EVL: variants seen among roughly 807,000 people sequenced by gnomAD.
EVL encodes the protein ena/VASP-like protein.
In EVL, 21 loss-of-function variants were observed where a neutral mutation model predicts 59.6. The ratio of observed to expected loss-of-function variants is 0.35; its 90% CI spans 0.25 to 0.51. The LOEUF (loss-of-function observed/expected upper bound fraction) is 0.51, where lower values mean the gene tolerates loss of function less well. Among genes scored for constraint, EVL ranks in the 20% least tolerant of loss-of-function variants. The probability of loss-of-function intolerance (pLI) is 0.97; values close to 1 mark genes in which losing one functional copy is unlikely to be tolerated. For synonymous variants in EVL, 198 were observed against 203.5 expected, an observed-to-expected ratio of 0.97 and a Z score of 0.23; for missense variants, 462 against 546.6, an observed-to-expected ratio of 0.85 and a Z score of 1.54.
chr14:100,112,653 A>C (rs1887079183), intron 3 of EVL, among the ~76,000 whole-genome samples: 1 of 152,220 alleles, frequency 6.6e-6, no homozygotes, highest in Admixed American at 6.5e-5. Context: ...CCTTGTGCCC[A>C]GAATGTTTTC....
intron 7 of EVL, among the ~76,000 whole-genome samples, chr14:100,131,740 G>T (rs908393090): frequency 6.6e-5 from 10 of 152,218 alleles, no homozygotes; most frequent in Non-Finnish European, 2.9e-5. Flanking sequence ...GCAGGAAGGT[G>T]TTGAAGGTGA....
At chr14:100,123,747 C>T (rs1175713412) in intron 4 of EVL, 145 bp downstream of exon 4, 1 of 753,802 alleles carries the variant, frequency 1.3e-6, no homozygotes, top group Non-Finnish European at 2.2e-6. Context: ...AGGTGCAAGC[C>T]AGACCAGGAA....
chr14:100,083,447 A>T (rs1244848050), intron 1 of EVL, among the ~76,000 whole-genome samples: 2 of 120,630 alleles, frequency 1.7e-5, no homozygotes, highest in African/African-American at 5.3e-5. Context: ...TTCCCTCTTT[A>T]AAAAAAAAAA....
chr14:100,066,056 T>A (rs2061924307), intron 1 of EVL, among the ~76,000 whole-genome samples: 1 of 152,156 alleles, frequency 6.6e-6, no homozygotes, highest in African/African-American at 2.4e-5. Context: ...CAAACCGCAC[T>A]CCTCATTGAG....
intron 2 of EVL, chr14:100,097,061 G>A (rs1885863387): frequency 6.3e-6 from 1 of 159,076 alleles, no homozygotes; most frequent in South Asian, 1.8e-4. Context: ...CTATAAATAA[G>A]ATACGTATCA....
rs763778391 is a variant in EVL at position 100,026,886 on chromosome 14, C to T, written c.5+54829C>T. On this transcript the variant is annotated intron_variant, in intron 1 of 13. Coordinates refer to the EVL transcript ENST00000402714. The stretch of plus-strand genomic sequence containing the variant: ...ATGATCCCTCTCTGTCTTGGATCCC[C>T]GGGGCCTGTTGGAATCTACAACCAT... Among the ~76,000 whole-genome samples the T allele has an allele frequency of 8.5e-4, 130 of 152,122 alleles. 1 individual carries two copies. Among genetic ancestry groups the T allele is most frequent in the Non-Finnish European group, 1.3e-4 (9 of 68,018 alleles).
rs2060744707 is a variant in EVL at position 99,972,886 on chromosome 14, G to A, written c.5+829G>A. ...TTGTAACTATAGTTTCGTTTTGCCT[G>A]TTTTGTATTATTTATGACAATGAAA... is the stretch of plus-strand genomic sequence containing the variant. On this transcript the variant is annotated intron_variant, in intron 1 of 13. Transcript: ENST00000402714. The surrounding 1 kb of genome is among the most constrained non-coding windows in gnomAD (Gnocchi z 4.4). Among the ~76,000 whole-genome samples, 1 of 151,688 alleles carries A rather than the reference G, an allele frequency of 6.6e-6. No individual in the cohort carries two copies. The highest frequency in any genetic ancestry group is 6.6e-5 in the Admixed American group (1 of 15,242).
intron 11 of EVL, chr14:100,138,042 G>A (rs952236959): frequency 1.4e-5 from 8 of 578,108 alleles, no homozygotes; most frequent in Middle Eastern, 4.5e-4. Context: ...CAGAGGTAGT[G>A]CAGGGGGGGG....
intron 1 of EVL, among the ~76,000 whole-genome samples, chr14:100,028,130 G>GTTTTTTTTT (rs756735010): frequency 4.4e-4 from 44 of 99,592 alleles, no homozygotes; most frequent in African/African-American, 1.9e-3. Context: ...TTTTTTGTTT[G>GTTTTTTTTT]TTTGTTTTTT....
intron 1 of EVL, among the ~76,000 whole-genome samples, chr14:100,073,590 G>A (rs972325701): frequency 2.6e-5 from 4 of 152,066 alleles, no homozygotes; most frequent in Non-Finnish European, 4.4e-5. Context: ...AAAGTGCTGG[G>A]ATTACAGGTG....
At chr14:99,995,039 T>G (rs1432775198) in intron 1 of EVL, among the ~76,000 whole-genome samples, 2 of 152,222 alleles carry the variant, frequency 1.3e-5, no homozygotes, top group South Asian at 2.1e-4. Context: ...AGCTTCCTTA[T>G]ACATGAAGAG....
upstream of EVL, among the ~76,000 whole-genome samples, chr14:100,064,321 T>A (rs549620438): frequency 2.0e-5 from 3 of 152,264 alleles, no homozygotes; most frequent in South Asian, 6.3e-4. Flanking sequence ...TCGTTCTCAA[T>A]TTTTTGTCTG....
chr14:100,121,315 G>A (rs1031657257), intron 3 of EVL, among the ~76,000 whole-genome samples: 17 of 152,252 alleles, frequency 1.1e-4, no homozygotes, highest in Admixed American at 7.2e-4. Context: ...AAGCTGTGCC[G>A]GGGGACGGAG....
At chr14:100,062,975 A>G (rs1333008997), upstream of EVL, among the ~76,000 whole-genome samples, 2 of 152,274 alleles carry the variant, frequency 1.3e-5, no homozygotes, top group South Asian at 2.1e-4. Context: ...GTGTGTGCCT[A>G]TAGTCCTAAC....
chr14:100,001,832 G>A (rs2060947971), intron 1 of EVL, among the ~76,000 whole-genome samples: 1 of 152,174 alleles, frequency 6.6e-6, no homozygotes, highest in Non-Finnish European at 1.5e-5. Flanking sequence ...AGTTAAGTTT[G>A]ATTCCTTAAA....
intron 1 of EVL, among the ~76,000 whole-genome samples, chr14:99,985,660 G>C (rs1018276712): frequency 2.6e-5 from 4 of 152,082 alleles, no homozygotes; most frequent in African/African-American, 9.7e-5. Context: ...CCAGCTACTT[G>C]GGAGGCTGAG....
At position 100,084,837 on chromosome 14, in the gene EVL, C is replaced by A; in HGVS notation, c.162C>A (p.Val54=). 2 of 1,614,120 alleles carry A rather than the reference C, an allele frequency of 1.2e-6. No individual in the cohort carries two copies. Among genetic ancestry groups the A allele is most frequent in the Non-Finnish European group, 1.7e-6 (2 of 1,180,022 alleles). Residue 54 remains valine, a synonymous_variant, in exon 2 of 14, where the codon GTC becomes GTA. Coordinates refer to ENST00000392920, the MANE Select transcript of EVL (RefSeq NM_016337.3). ...GCAACACCTTCAGAGTCGTTGGAGT[C>A]AAGTTGCAGGATCAGCAGGTCAGTG... ...TASNTFRVVG[V]KLQDQQVVIN... is the part of the protein sequence containing the mutation.
At chr14:100,015,199 A>C (rs1034482215) in intron 1 of EVL, among the ~76,000 whole-genome samples, 8 of 152,228 alleles carry the variant, frequency 5.3e-5, no homozygotes. Flanking sequence ...TTGGCCTCCA[A>C]GTGAACTGTA....
intron 1 of EVL, among the ~76,000 whole-genome samples, chr14:100,000,741 A>G (rs1412626192): frequency 6.6e-6 from 1 of 152,114 alleles, no homozygotes; most frequent in Non-Finnish European, 1.5e-5. Context: ...AGGCAGGTTT[A>G]CCCTAAGCAG....
Sources: allele counts gnomAD v4.1 joint callset (sites outside exome capture counted in the v4.1 genomes callset), GRCh38; gene constraint gnomAD v4.1.1; non-coding constraint Gnocchi (gnomAD v3.1); transcripts MANE v1.5; gene names NCBI Gene and HGNC (gene_info 2026-07-23, HGNC 2026-07-21).